IGSF21: variants seen among roughly 807,000 people sequenced by gnomAD.
IGSF21 encodes immunoglobin superfamily member 21, also known as immunoglobulin superfamily member 21.
Under a neutral mutation model 46.8 loss-of-function variants are expected in IGSF21, and 28 were observed. The observed-to-expected ratio is 0.60, with a 90% CI of 0.44 to 0.82. The LOEUF is 0.82. IGSF21 is among the 40% of genes least tolerant of loss of function. The pLI, the probability that IGSF21 is intolerant of heterozygous loss-of-function variation, is 0.00. For synonymous variants in IGSF21, 284 were observed against 273.6 expected (o/e 1.04, Z -0.38); for missense variants, 624 against 665.5 (o/e 0.94, Z 0.69).
rs2085351921 is a variant in IGSF21 at position 18,300,626 on chromosome 1, A to G, written c.305+8639A>G. Among the ~76,000 whole-genome samples, 3 of 152,210 alleles carry G rather than the reference A, an allele frequency of 2.0e-5. No homozygotes were observed. In the South Asian group the frequency reaches 6.2e-4, roughly 31 times the overall value. Reference sequence around the variant, plus strand: ...AATAGCTGGCATGTGTGGTGCACTCATTGGCCAGACCCTGGGCTAAACTCC... The same window carrying G: ...AATAGCTGGCATGTGTGGTGCACTCGTTGGCCAGACCCTGGGCTAAACTCC... On this transcript the variant is annotated intron_variant, in intron 3 of 9. Transcript: ENST00000251296.
chr1:18,263,256 G>A (rs762212472), intron 2 of IGSF21, among the ~76,000 whole-genome samples: 40 of 152,128 alleles, frequency 2.6e-4, no homozygotes, highest in Admixed American at 4.6e-4. Context: ...AGCCAGTTTC[G>A]GGAAGGACTC....
At chr1:18,225,695 G>A (rs745457488) in intron 1 of IGSF21, among the ~76,000 whole-genome samples, 10 of 152,142 alleles carry the variant, frequency 6.6e-5, no homozygotes, top group Admixed American at 3.3e-4. Flanking sequence ...ATTGAGCCAC[G>A]TGGCTCAGAA....
chr1:18,374,399 G>A (rs982089489), intron 6 of IGSF21, among the ~76,000 whole-genome samples: 2 of 152,158 alleles, frequency 1.3e-5, no homozygotes, highest in Admixed American at 6.5e-5. Flanking sequence ...GTTCCTAACG[G>A]CCCCGCGTGT....
chr1:18,129,730 T>C (rs2086301565), intron 1 of IGSF21, among the ~76,000 whole-genome samples: 2 of 152,190 alleles, frequency 1.3e-5, no homozygotes, highest in African/African-American at 4.8e-5. Flanking sequence ...GTGATTTGAA[T>C]GTCTGTCTCC....
At chr1:18,373,786 C>A (rs1251016837) in intron 6 of IGSF21, among the ~76,000 whole-genome samples, 1 of 152,198 alleles carries the variant, frequency 6.6e-6, no homozygotes, top group African/African-American at 2.4e-5. Context: ...AGCCACTGCC[C>A]CCCTGGAGGG....
intron 3 of IGSF21, among the ~76,000 whole-genome samples, chr1:18,314,260 C>G (rs1001160124): frequency 6.6e-6 from 1 of 151,238 alleles, no homozygotes; most frequent in Admixed American, 6.6e-5. Context: ...CCTGCATCTG[C>G]CTTCCTCATA....
At chr1:18,227,037 G>A (rs893174403) in intron 1 of IGSF21, among the ~76,000 whole-genome samples, 2 of 152,228 alleles carry the variant, frequency 1.3e-5, no homozygotes, top group African/African-American at 2.4e-5. Context: ...GAGTCCCAGC[G>A]TCTGCTCCAG....
At chr1:18,213,297 A>G (rs1347157979) in intron 1 of IGSF21, among the ~76,000 whole-genome samples, 1 of 152,202 alleles carries the variant, frequency 6.6e-6, no homozygotes, top group Non-Finnish European at 1.5e-5. Flanking sequence ...GTAATAGTAG[A>G]CTAACTGCTG....
chr1:18,117,288 C>T (rs1420376107), intron 1 of IGSF21, among the ~76,000 whole-genome samples: 1 of 152,180 alleles, frequency 6.6e-6, no homozygotes, highest in Non-Finnish European at 1.5e-5. Context: ...TTGCCCAGGC[C>T]CTACCAAGAT....
At chr1:18,275,045 A>G (rs189326580) in intron 2 of IGSF21, among the ~76,000 whole-genome samples, 1 of 152,172 alleles carries the variant, frequency 6.6e-6, no homozygotes, top group African/African-American at 2.4e-5. Context: ...CAAACAAACA[A>G]AAAAGAAGTG....
intron 3 of IGSF21, among the ~76,000 whole-genome samples, chr1:18,292,773 A>G: frequency 6.6e-6 from 1 of 152,090 alleles, no homozygotes; most frequent in South Asian, 2.1e-4. Context: ...CACCCATGGG[A>G]GCCCTCACCT....
chr1:18,218,714 A>T (rs1479873823), intron 1 of IGSF21, among the ~76,000 whole-genome samples: 1 of 152,332 alleles, frequency 6.6e-6, no homozygotes, highest in Admixed American at 6.5e-5. Context: ...AACCCATGAA[A>T]ATCTCAACTC....
At chr1:18,354,202 A>T (rs1356581440) in intron 4 of IGSF21, among the ~76,000 whole-genome samples, 3 of 152,208 alleles carry the variant, frequency 2.0e-5, no homozygotes, top group African/African-American at 7.2e-5. Context: ...GCCTTAAAGG[A>T]TGAGGTGGAG....
Position 18,109,202 on chromosome 1 carries a change from C to T in IGSF21, c.70+1004C>T, listed in dbSNP as rs771974464. On this transcript the variant is annotated intron_variant, in intron 1 of 9. Coordinates refer to ENST00000251296, the MANE Select transcript of IGSF21 (RefSeq NM_032880.5). The surrounding 1 kb of genome is among the most constrained non-coding windows in gnomAD (Gnocchi z 4.8). ...ACCCTTTCGCGCAGTGAGCAGAGAG[C>T]CAACGTGAGGCTAAAAGCCAGGAGG... is the stretch of plus-strand genomic sequence containing the variant. 3.3e-5 allele frequency among the ~76,000 whole-genome samples: 5 copies of T among 151,910 alleles called. No individual in the cohort carries two copies. Among genetic ancestry groups the T allele is most frequent in the Non-Finnish European group, 5.9e-5 (4 of 67,982 alleles).
At chr1:18,369,268 A>AG (rs2124635832) in intron 6 of IGSF21, among the ~76,000 whole-genome samples, 1 of 152,314 alleles carries the variant, frequency 6.6e-6, no homozygotes, top group South Asian at 2.1e-4. Flanking sequence ...GACCTGATGA[A>AG]GGGGGAGAAT....
At chr1:18,260,012 T>G (rs1016243839) in intron 2 of IGSF21, among the ~76,000 whole-genome samples, 63 of 152,346 alleles carry the variant, frequency 4.1e-4, no homozygotes, top group African/African-American at 1.5e-3. Flanking sequence ...CTCAGCTTTC[T>G]CTCTTCTTGA....
At chr1:18,355,405 C>G (rs61689824) in intron 4 of IGSF21, among the ~76,000 whole-genome samples, 3 of 152,286 alleles carry the variant, frequency 2.0e-5, no homozygotes, top group Admixed American at 1.3e-4. Flanking sequence ...AACCGATCAT[C>G]CAACCATTAC....
chr1:18,258,905 G>A (rs1316057360), intron 2 of IGSF21, among the ~76,000 whole-genome samples: 1 of 152,202 alleles, frequency 6.6e-6, no homozygotes, highest in Non-Finnish European at 1.5e-5. Context: ...GATTCTGAAA[G>A]AGTAACCAGG....
intron 1 of IGSF21, among the ~76,000 whole-genome samples, chr1:18,178,761 C>T (rs2086828765): frequency 6.6e-6 from 1 of 152,094 alleles, no homozygotes; most frequent in Admixed American, 6.5e-5. Context: ...CCCCTTCCCC[C>T]TACCCCACCC....
Sources: allele counts gnomAD v4.1 joint callset (sites outside exome capture counted in the v4.1 genomes callset), GRCh38; gene constraint gnomAD v4.1.1; non-coding constraint Gnocchi (gnomAD v3.1); transcripts MANE v1.5; gene names NCBI Gene and HGNC (gene_info 2026-07-23, HGNC 2026-07-21).